Variants in TRAK2 observed in about 807,000 individuals in gnomAD.
TRAK2 encodes the protein trafficking kinesin protein 2, also known as trafficking kinesin-binding protein 2.
In TRAK2, 81 loss-of-function variants were observed where a neutral mutation model predicts 104.6. The ratio of observed to expected loss-of-function variants is 0.77; its 90% confidence interval spans 0.65 to 0.93. TRAK2 has a LOEUF of 0.93. Among genes scored for constraint, TRAK2 ranks in the 40% least tolerant of loss-of-function variants. The pLI is 0.00. For missense variants in TRAK2, 1,002 were observed against 1,089.0 expected (o/e 0.92, Z 1.12); for synonymous variants, 406 against 394.4 (o/e 1.03, Z -0.35).
At chr2:201,397,421 C>A in intron 7 of TRAK2, 81 bp downstream of exon 7, 1 of 905,758 alleles carries the variant, frequency 1.1e-6, no homozygotes, top group South Asian at 1.8e-5. Context: ...CTACTGAAAC[C>A]AGTGATCTAA....
chr2:201,418,855 T>C (rs1237382172), intron 2 of TRAK2, among the ~76,000 whole-genome samples: 1 of 152,148 alleles, frequency 6.6e-6, no homozygotes, highest in African/African-American at 2.4e-5. Flanking sequence ...ATATGAATTA[T>C]AGTAGCAAAA....
chr2:201,412,939 C>T (rs1166658669), intron 2 of TRAK2: 3 of 777,476 alleles, frequency 3.9e-6, no homozygotes, highest in Middle Eastern at 2.3e-4. Context: ...ACTGGCTAAA[C>T]TGGCAAAAAA....
At chr2:201,436,203 A>G (rs1316718998) in intron 1 of TRAK2, among the ~76,000 whole-genome samples, 2 of 152,196 alleles carry the variant, frequency 1.3e-5, no homozygotes, top group African/African-American at 2.4e-5. Context: ...AGTAAATGGC[A>G]TCATAGAATT....
rs1051334545 is a variant in TRAK2 at position 201,405,780 on chromosome 2, C to T, written c.286+1623G>A. On this transcript the variant is annotated intron_variant, in intron 3 of 15. Transcript: ENST00000332624. ...CAAGCAGATCACAAGATCAGGAGTT[C>T]GAGACCAGCCCAATCAACATGGTGA... 1.7e-4 allele frequency among the ~76,000 whole-genome samples: 26 copies of T among 152,250 alleles called. No individual in the cohort carries two copies. In the East Asian group the frequency reaches 4.2e-3, roughly 25 times the overall value.
At chr2:201,392,699 A>G (rs921044574) in intron 10 of TRAK2, among the ~76,000 whole-genome samples, 1 of 152,184 alleles carries the variant, frequency 6.6e-6, no homozygotes, top group Non-Finnish European at 1.5e-5. Flanking sequence ...TTGATACAAT[A>G]TATCTGGAAA....
chr2:201,378,871 C>T lies in TRAK2; in HGVS notation c.*1672G>A, dbSNP rs564553061. ...ATGTTGGCTTTTTGAGCACATAGCT[C>T]TAAGTGGGGGGATGGCGGGGATGCC... On this transcript the variant is annotated 3_prime_UTR_variant, in exon 16 of 16. Transcript: ENST00000332624. The T allele has an allele frequency of 6.6e-5, 10 of 152,186 alleles. No homozygotes were observed. Among genetic ancestry groups the T allele is most frequent in the Non-Finnish European group, 1.2e-4 (8 of 67,992 alleles). 9.4% of individuals were successfully genotyped at this position (152,186 alleles called of 1,614,324 possible).
chr2:201,407,616 G>A lies in TRAK2; in HGVS notation c.92-19C>T. On this transcript the variant is annotated intron_variant, in intron 2 of 15. Coordinates refer to ENST00000332624, the MANE Select transcript of TRAK2 (RefSeq NM_015049.3). ...CAGACATCTAAAGAGGAGAGTCTAT[G>A]TAAATGAATCCAATATATTTCAACT... The A allele has an allele frequency of 1.3e-6, 2 of 1,585,438 alleles. No homozygotes were observed. The highest frequency in any genetic ancestry group is 8.6e-7 in the Non-Finnish European group (1 of 1,167,312).
At chr2:201,425,397 T>C (rs999501370) in intron 1 of TRAK2, among the ~76,000 whole-genome samples, 3 of 152,166 alleles carry the variant, frequency 2.0e-5, no homozygotes, top group African/African-American at 7.2e-5. Context: ...TAAGAAAGCA[T>C]TTATTTATAT....
intron 1 of TRAK2, among the ~76,000 whole-genome samples, chr2:201,424,843 G>A (rs1482864399): frequency 5.9e-5 from 9 of 151,796 alleles, no homozygotes; most frequent in Admixed American, 2.6e-4. Flanking sequence ...TCCTGACCTC[G>A]TGATCCGCCC....
At chr2:201,424,443 G>A (rs565905897) in intron 1 of TRAK2, among the ~76,000 whole-genome samples, 4 of 152,050 alleles carry the variant, frequency 2.6e-5, no homozygotes, top group South Asian at 2.1e-4. Flanking sequence ...GTGTATAACC[G>A]GCTATCTAGT....
In TRAK2 at chr2:201,395,842, C is replaced by T. The variant is rs554262923; in HGVS notation, c.770-398G>A. Among the ~76,000 whole-genome samples, 19 of 152,246 alleles carry T rather than the reference C, an allele frequency of 1.2e-4. 1 individual carries two copies. The highest frequency in any genetic ancestry group is 6.8e-3 in the Middle Eastern group (2 of 294). The stretch of plus-strand genomic sequence containing the variant: ...AGAACTCTTTAGGGACATAAAATCC[C>T]ACAAGCAATGAAAATTAATCTTAAC... On this transcript the variant is annotated intron_variant, in intron 7 of 15. Coordinates refer to ENST00000332624, the MANE Select transcript of TRAK2 (RefSeq NM_015049.3).
chr2:201,439,237 A>T (rs923060264), intron 1 of TRAK2, among the ~76,000 whole-genome samples: 1 of 152,200 alleles, frequency 6.6e-6, no homozygotes, highest in African/African-American at 2.4e-5. Context: ...CTAATTTACA[A>T]AAGTCTACAT....
chr2:201,381,294 T>C (rs1559435556), intron 15 of TRAK2, 76 bp from the exon 16 acceptor site: 1 of 1,303,094 alleles, frequency 7.7e-7, no homozygotes, highest in South Asian at 1.5e-5. Context: ...TTTAAAGAAA[T>C]TATAGTAGTT....
rs185761180 is a variant in TRAK2, at chr2:201,439,288, G to C, written c.-200+12062C>G. Among the ~76,000 whole-genome samples the C allele has an allele frequency of 3.0e-3, 458 of 152,214 alleles. 3 individuals carry two copies. The highest frequency in any genetic ancestry group is 0.01 in the African/African-American group (417 of 41,518). On this transcript the variant is annotated intron_variant, in intron 1 of 15. Coordinates refer to ENST00000332624, the MANE Select transcript of TRAK2 (RefSeq NM_015049.3). Reference sequence around the variant, plus strand: ...ATCAGTAAAGTAGGTGTACGTGCAGGGCTATACCAACTAAGCTCATCGGTT... The same window carrying C: ...ATCAGTAAAGTAGGTGTACGTGCAGCGCTATACCAACTAAGCTCATCGGTT...
intron 2 of TRAK2, among the ~76,000 whole-genome samples, chr2:201,417,241 C>CAAAAAAAAAAAAAAAAAAAAAAAAAA (rs61702415): frequency 4.5e-5 from 4 of 88,430 alleles, no homozygotes; most frequent in Non-Finnish European, 6.5e-5. Flanking sequence ...GAAGACATTG[C>CAAAAAAAAAAAAAAAAAAAAAAAAAA]AAAAAAAAAA....
chr2:201,440,378 C>A (rs1450803260), intron 1 of TRAK2, among the ~76,000 whole-genome samples: 1 of 152,168 alleles, frequency 6.6e-6, no homozygotes, highest in Non-Finnish European at 1.5e-5. Flanking sequence ...CATAAGGTGT[C>A]TGTTTGACTG....
At chr2:201,446,715 C>A (rs770273411) in intron 1 of TRAK2, among the ~76,000 whole-genome samples, 1 of 152,122 alleles carries the variant, frequency 6.6e-6, no homozygotes, top group Non-Finnish European at 1.5e-5. Context: ...AGTATGTTTA[C>A]GTTTAAAATG....
chr2:201,407,442 G>C lies in TRAK2; in HGVS notation c.247C>G (p.Leu83Val), dbSNP rs762681022. ...PHQRQHASDA[L>V]SPVLAEETFR... ...GTCTCTTCAGCAAGGACTGGAGAGA[G>C]AGCATCAGATGCATGCTGCCGCTGG... Residue 83 changes from leucine (L) to valine (V), a missense_variant, in exon 3 of 16, where the codon CTC (leucine) becomes GTC (valine). Physicochemically the swap from Leu to Val is conservative, Grantham distance 32. Transcript: ENST00000332624. 6.2e-6 allele frequency: 10 copies of C among 1,613,954 alleles called. No homozygotes were observed. The South Asian group carries it at 9.9e-5, about 16-fold the overall frequency.
intron 2 of TRAK2, among the ~76,000 whole-genome samples, chr2:201,409,144 C>T (rs961779551): frequency 2.0e-5 from 3 of 152,132 alleles, no homozygotes; most frequent in African/African-American, 7.2e-5. Context: ...CTCTAACCCT[C>T]AGTTTCCTCA....
Sources: gnomAD v4.1 joint callset for allele counts (sites outside exome capture counted in the v4.1 genomes callset) on GRCh38, gnomAD v4.1.1 for gene constraint, MANE v1.5 for transcripts, NCBI Gene and HGNC (gene_info 2026-07-23, HGNC 2026-07-21) for gene names.